Variants in GCKR observed in about 807,000 individuals in gnomAD.
The protein encoded by GCKR is glucokinase regulator.
Under a neutral mutation model 82.9 loss-of-function variants are expected in GCKR, and 73 were observed. The observed-to-expected ratio is 0.88, with a 90% CI of 0.73 to 1.07. The LOEUF (loss-of-function observed/expected upper bound fraction) is 1.07, where lower values mean the gene tolerates loss of function less well. GCKR is among the 50% of genes least tolerant of loss of function. GCKR has a pLI of 0.00. For synonymous variants in GCKR, 294 were observed against 291.8 expected (o/e 1.01, Z -0.08); for missense variants, 784 against 782.1 (o/e 1.00, Z -0.03).
intron 5 of GCKR, 78 bp from the exon 6 acceptor site, chr2:27,499,064 C>T (rs903590942): frequency 1.1e-5 from 10 of 872,768 alleles, no homozygotes; most frequent in Non-Finnish European, 1.8e-5. Flanking sequence ...ATGCGCATCT[C>T]TTAATGTAGC....
chr2:27,523,218 C>G (rs1295524702), intron 18 of GCKR, 51 bp from the exon 19 acceptor site: 1 of 1,542,152 alleles, frequency 6.5e-7, no homozygotes, highest in Admixed American at 1.7e-5. Context: ...GGTTCTTTCT[C>G]TGATGACCTC....
At position 27,503,548 on chromosome 2, in the gene GCKR, C is replaced by A; in HGVS notation, c.679C>A (p.Arg227=). 1 of 1,608,974 alleles carries A rather than the reference C, an allele frequency of 6.2e-7. No homozygotes were observed. Among genetic ancestry groups the A allele is most frequent in the Non-Finnish European group, 8.5e-7 (1 of 1,175,364 alleles). ...DPIEDWSSTF[R]QVAERMQKMQ... ...CATTGAAGACTGGAGTTCAACATTC[C>A]GACAAGTAGCAGAGCGGATGCAGAA... The change falls in exon 9 of 19, where the codon CGA becomes AGA. Residue 227 remains arginine, a synonymous_variant. Transcript: ENST00000264717.
At position 27,507,541 on chromosome 2, in the gene GCKR, A is replaced by T. The variant is rs557946425; in HGVS notation, c.1144-140A>T. On this transcript the variant is annotated intron_variant, in intron 13 of 18. Coordinates refer to ENST00000264717, the MANE Select transcript of GCKR (RefSeq NM_001486.4). ...ACTGACTTGTTACATAATCTTGGGC[A>T]AAACACTGTACCTTTTGAACTTCAG... The T allele has an allele frequency of 1.7e-5, 12 of 699,972 alleles. No homozygotes were observed. In the East Asian group the frequency reaches 2.8e-4, roughly 17 times the overall value. The allele number at this position is 699,972 out of a possible 1,614,324, so 43.4% of individuals were successfully genotyped here.
intron 8 of GCKR, 56 bp from the exon 9 acceptor site, chr2:27,503,458 C>A (rs1276988657): frequency 7.5e-6 from 7 of 932,888 alleles, no homozygotes; most frequent in African/African-American, 3.2e-5. Context: ...CAGCTGAGGC[C>A]CTTCTTTGAG....
intron 16 of GCKR, among the ~76,000 whole-genome samples, chr2:27,512,105 G>A (rs6547692): frequency 0.58 from 88,081 of 151,428 alleles, 26,045 homozygotes; most frequent in South Asian, 0.7. Flanking sequence ...CAGGCGTGGT[G>A]GCTTGGACCT....
At chr2:27,517,013 CT>C (rs10549495) in intron 16 of GCKR, among the ~76,000 whole-genome samples, 69,553 of 134,990 alleles carry the variant, frequency 0.52, 17,675 homozygotes, top group South Asian at 0.69. Context: ...GTATTAGTAC[CT>C]TTTTTTTTTT....
At chr2:27,501,752 C>T in intron 8 of GCKR, 1 of 471,452 alleles carries the variant, frequency 2.1e-6, no homozygotes. Flanking sequence ...CTGAGAGCCC[C>T]TCATTACCAA....
At chr2:27,507,039 A>G in intron 12 of GCKR, 154 bp downstream of exon 12, 1 of 783,672 alleles carries the variant, frequency 1.3e-6, no homozygotes, top group Admixed American at 1.7e-5. Flanking sequence ...CTTCTTCCTT[A>G]GAACCCCAAC....
intron 17 of GCKR, among the ~76,000 whole-genome samples, chr2:27,520,752 C>T (rs1377391420): frequency 1.3e-5 from 2 of 152,094 alleles, no homozygotes; most frequent in Non-Finnish European, 2.9e-5. Context: ...TTGAGGTGGG[C>T]TGGCTGGGCA....
chr2:27,498,648 C>T (rs1250263636), intron 4 of GCKR, 76 bp from the exon 5 acceptor site: 3 of 887,806 alleles, frequency 3.4e-6, no homozygotes, highest in Admixed American at 1.7e-5. Context: ...TAGTCTCTGC[C>T]CTCTAGGAGT....
chr2:27,507,462 A>C lies in GCKR; in HGVS notation c.1143+151A>C. 5.5e-6 allele frequency: 4 copies of C among 724,816 alleles called. No homozygotes were observed. In the Admixed American group the frequency reaches 8.0e-5, roughly 15 times the overall value. The allele number at this position is 724,816 out of a possible 1,614,324, so 44.9% of individuals were successfully genotyped here. On this transcript the variant is annotated intron_variant, in intron 13 of 18. Transcript: ENST00000264717. ...GTCAGAAGTCATGAGGCTTTGGCTT[A>C]GCATGGGCAGTGTGGAAAGCTCTAG...
chr2:27,501,294 A>G, intron 8 of GCKR, 65 bp downstream of exon 8: 1 of 989,710 alleles, frequency 1.0e-6, no homozygotes, highest in Non-Finnish European at 1.6e-6. Context: ...CAAAGTCTAC[A>G]GTACAACCAC....
intron 7 of GCKR, 97 bp downstream of exon 7, chr2:27,499,547 A>G: frequency 1.0e-6 from 1 of 964,080 alleles, no homozygotes. Context: ...TCGGTGCTAG[A>G]AGGCAGGAAG....
intron 7 of GCKR, among the ~76,000 whole-genome samples, chr2:27,499,911 C>A (rs1669533806): frequency 6.6e-6 from 1 of 151,764 alleles, no homozygotes; most frequent in Admixed American, 6.6e-5. Flanking sequence ...GCGCCCACCA[C>A]AATGCCCGGC....
chr2:27,511,345 A>G (rs1572869448), intron 16 of GCKR, among the ~76,000 whole-genome samples: 1 of 152,076 alleles, frequency 6.6e-6, no homozygotes, highest in African/African-American at 2.4e-5. Context: ...ATCTTTCTAA[A>G]TGAATTGGAA....
At chr2:27,507,011 AG>A in intron 12 of GCKR, 126 bp downstream of exon 12, 1 of 787,342 alleles carries the variant, frequency 1.3e-6, no homozygotes, top group South Asian at 1.4e-5. Flanking sequence ...CTATCTAAAT[AG>A]GCACTTCAGT....
chr2:27,523,234 C>G (rs372806461), intron 18 of GCKR, 35 bp from the exon 19 acceptor site: 28 of 1,593,672 alleles, frequency 1.8e-5, no homozygotes, highest in Non-Finnish European at 2.4e-5. Context: ...ACCTCATTCC[C>G]TCAGGCTTCA....
chr2:27,506,934 A>G lies in GCKR; in HGVS notation c.1066+49A>G, dbSNP rs1182983814. ...TTCCTGCTTCCTCCTGATCCCAACC[A>G]TTCGGGCTGCTCTCCAAACACTGTC... On this transcript the variant is annotated intron_variant, in intron 12 of 18. Coordinates refer to ENST00000264717, the MANE Select transcript of GCKR (RefSeq NM_001486.4). 4.1e-6 allele frequency: 5 copies of G among 1,221,348 alleles called. No individual in the cohort carries two copies. In the Admixed American group the frequency reaches 8.4e-5, roughly 21 times the overall value. The allele number at this position is 1,221,348 out of a possible 1,614,324, so 75.7% of individuals were successfully genotyped here. A position where few individuals can be genotyped will look rare whatever the true frequency, so the allele number is the denominator to read the frequency against.
At chr2:27,499,238 G>C in intron 6 of GCKR, 30 bp downstream of exon 6, 1 of 1,522,202 alleles carries the variant, frequency 6.6e-7, no homozygotes, top group Non-Finnish European at 9.1e-7. Flanking sequence ...ATTGACCAGA[G>C]ACCTCTATCT....
Sources: gnomAD v4.1 joint callset for allele counts (sites outside exome capture counted in the v4.1 genomes callset) on GRCh38, gnomAD v4.1.1 for gene constraint, MANE v1.5 for transcripts, NCBI Gene and HGNC (gene_info 2026-07-23, HGNC 2026-07-21) for gene names.